Variants in CNDP1 observed in about 807,000 individuals in gnomAD.
The protein encoded by CNDP1 is beta-Ala-His dipeptidase.
CNDP1 carries 44 observed loss-of-function variants against 58.1 expected under a neutral mutation model. That is an observed-to-expected ratio of 0.76 (90% confidence interval 0.60 to 0.97). CNDP1 has a LOEUF of 0.97. Ranked by LOEUF, CNDP1 falls within the 50% of genes least tolerant of loss-of-function variation. The probability of loss-of-function intolerance (pLI) is 0.00; values close to 1 mark genes in which losing one functional copy is unlikely to be tolerated. For missense variants in CNDP1, 616 were observed against 655.1 expected (o/e 0.94, Z 0.65); for synonymous variants, 254 against 252.6 (o/e 1.01, Z -0.05).
rs1217019573 is a variant in CNDP1, at chr18:74,585,451, C to T, written c.*889C>T. 6.6e-6 allele frequency: 1 copy of T among 152,200 alleles called. No individual in the cohort carries two copies. Among genetic ancestry groups the T allele is most frequent in the Non-Finnish European group, 1.5e-5 (1 of 68,038 alleles). The allele number at this position is 152,200 out of a possible 1,614,324, so 9.4% of individuals were successfully genotyped here. On this transcript the variant is annotated 3_prime_UTR_variant, in exon 12 of 12. Coordinates refer to ENST00000358821, the MANE Select transcript of CNDP1 (RefSeq NM_032649.6). ...CAGTTTTAGATAGAGAACTAATCAACCCTGACATCAGTAACACACGCTAAA... is the reference window on the plus strand; with the variant it reads ...CAGTTTTAGATAGAGAACTAATCAATCCTGACATCAGTAACACACGCTAAA...
In CNDP1 at chr18:74,587,109, A is replaced by G. The variant is rs1173451651; in HGVS notation, c.*2547A>G. ...TATTGTGATAAGTTTAGGGGTTAGG[A>G]ATATCATTTGAGTTTGGTAGATGCT... On this transcript the variant is annotated 3_prime_UTR_variant, in exon 12 of 12. Coordinates refer to ENST00000358821, the MANE Select transcript of CNDP1 (RefSeq NM_032649.6). 1 of 152,310 alleles carries G rather than the reference A, an allele frequency of 6.6e-6. No homozygotes were observed. Among genetic ancestry groups the G allele is most frequent in the East Asian group, 1.9e-4 (1 of 5,186 alleles). The allele number at this position is 152,310 out of a possible 1,614,324, so 9.4% of individuals were successfully genotyped here. A position where few individuals can be genotyped will look rare whatever the true frequency, so the allele number is the denominator to read the frequency against.
intron 1 of CNDP1, among the ~76,000 whole-genome samples, chr18:74,549,628 G>T (rs1980849312): frequency 6.6e-6 from 1 of 152,142 alleles, no homozygotes; most frequent in South Asian, 2.1e-4. Context: ...AATTTGAACA[G>T]GTTGCAGAGC....
intron 7 of CNDP1, chr18:74,576,526 A>G (rs1169958557): frequency 4.9e-6 from 1 of 206,086 alleles, no homozygotes; most frequent in African/African-American, 2.3e-5. Context: ...AGACAAAACT[A>G]AAAAACCTTG....
At chr18:74,583,499 A>C in intron 10 of CNDP1, 62 bp from the exon 11 acceptor site, 4 of 1,415,810 alleles carry the variant, frequency 2.8e-6, no homozygotes, top group Non-Finnish European at 4.0e-6. Context: ...ACTGACCTTG[A>C]GGAGCTTCCT....
At chr18:74,561,141 G>T (rs1356202215) in intron 4 of CNDP1, 123 bp downstream of exon 4, 2 of 1,229,518 alleles carry the variant, frequency 1.6e-6, no homozygotes, top group Non-Finnish European at 2.2e-6. Flanking sequence ...TAGGCCGGGT[G>T]CGGTGGCTCA....
chr18:74,543,174 G>A (rs1048329748), intron 1 of CNDP1, among the ~76,000 whole-genome samples: 11 of 152,274 alleles, frequency 7.2e-5, no homozygotes, highest in South Asian at 2.1e-4. Context: ...AATACAAAAC[G>A]TAAGCAGGTA....
chr18:74,557,924 G>T (rs1345386488), intron 2 of CNDP1, among the ~76,000 whole-genome samples: 4 of 152,210 alleles, frequency 2.6e-5, no homozygotes, highest in African/African-American at 7.2e-5. Flanking sequence ...CCTGAGTGGG[G>T]TTTCCAGAAT....
At chr18:74,571,163 C>G in intron 6 of CNDP1, 23 bp from the exon 7 acceptor site, 1 of 1,530,564 alleles carries the variant, frequency 6.5e-7, no homozygotes, top group Non-Finnish European at 9.1e-7. Flanking sequence ...AAGTATATCT[C>G]TTACCTTTTA....
chr18:74,554,907 T>C (rs930011435), intron 1 of CNDP1, among the ~76,000 whole-genome samples: 2 of 152,152 alleles, frequency 1.3e-5, no homozygotes, highest in Non-Finnish European at 2.9e-5. Context: ...ACCAACTGCT[T>C]TTCAAACAGC....
intron 1 of CNDP1, among the ~76,000 whole-genome samples, chr18:74,537,744 A>T (rs1348244326): frequency 6.6e-6 from 1 of 152,164 alleles, no homozygotes; most frequent in East Asian, 1.9e-4. Context: ...ACTCCGGGCA[A>T]AGAGTGGTAC....
chr18:74,579,037 T>C (rs1343490714), intron 9 of CNDP1, among the ~76,000 whole-genome samples: 1 of 152,104 alleles, frequency 6.6e-6, no homozygotes, highest in Non-Finnish European at 1.5e-5. Context: ...TCCCCCTTTA[T>C]TGTCTTGTTA....
chr18:74,539,413 T>C lies in CNDP1; in HGVS notation c.24+4722T>C, dbSNP rs116237532. ...GGATGCAGGACTGCCAGGTGGGCTCTTTCCCAGCTCCCGGAGGCTTCCTCA... is the reference window on the plus strand; with the variant it reads ...GGATGCAGGACTGCCAGGTGGGCTCCTTCCCAGCTCCCGGAGGCTTCCTCA... On this transcript the variant is annotated intron_variant, in intron 1 of 11. Transcript: ENST00000358821. Among the ~76,000 whole-genome samples, 1,193 of 152,344 alleles carry C rather than the reference T, an allele frequency of 7.8e-3. 9 individuals are homozygous for C. The highest frequency in any genetic ancestry group is 0.028 in the African/African-American group (1,153 of 41,576).
intron 1 of CNDP1, among the ~76,000 whole-genome samples, chr18:74,550,108 T>G (rs1980863602): frequency 6.6e-6 from 1 of 152,176 alleles, no homozygotes; most frequent in African/African-American, 2.4e-5. Flanking sequence ...AGTCCCCACA[T>G]AGGGTCCCCA....
chr18:74,584,202 C>T, intron 11 of CNDP1: 1 of 417,680 alleles, frequency 2.4e-6, no homozygotes, highest in Non-Finnish European at 4.4e-6. Flanking sequence ...GCATCCCAGA[C>T]TACTGAGAAA....
rs1338734281 is a variant in CNDP1, at chr18:74,584,793, T to C, written c.*231T>C. On this transcript the variant is annotated 3_prime_UTR_variant, in exon 12 of 12. Coordinates refer to ENST00000358821, the MANE Select transcript of CNDP1 (RefSeq NM_032649.6). Reference sequence around the variant, plus strand: ...CACACCTTCCTCAAGTCATAGCTGCTTGCAGCAACTTGATTTCCCCAAGTC... The same window carrying C: ...CACACCTTCCTCAAGTCATAGCTGCCTGCAGCAACTTGATTTCCCCAAGTC... The C allele has an allele frequency of 4.2e-6, 2 of 479,356 alleles. No individual in the cohort carries two copies. The highest frequency in any genetic ancestry group is 7.5e-6 in the Non-Finnish European group (2 of 266,816). 29.7% of individuals were successfully genotyped at this position (479,356 alleles called of 1,614,324 possible). A position where few individuals can be genotyped will look rare whatever the true frequency, so the allele number is the denominator to read the frequency against.
chr18:74,551,903 G>A (rs55813520), intron 1 of CNDP1, among the ~76,000 whole-genome samples: 24,866 of 148,042 alleles, frequency 0.17, 2,285 homozygotes, highest in Middle Eastern at 0.26. Context: ...CAATTGGATC[G>A]ATTGCGAAAA....
chr18:74,572,434 G>A (rs1981502202), intron 7 of CNDP1, among the ~76,000 whole-genome samples: 1 of 152,096 alleles, frequency 6.6e-6, no homozygotes, highest in Non-Finnish European at 1.5e-5. Context: ...CATTACCTAT[G>A]CTTTAGACCC....
At chr18:74,541,839 G>A (rs1164091029) in intron 1 of CNDP1, among the ~76,000 whole-genome samples, 2 of 152,182 alleles carry the variant, frequency 1.3e-5, no homozygotes, top group Non-Finnish European at 2.9e-5. Flanking sequence ...ACTGTGGTTG[G>A]GACAAAGGTA....
intron 7 of CNDP1, 29 bp downstream of exon 7, chr18:74,571,299 A>G: frequency 4.8e-6 from 7 of 1,457,122 alleles, no homozygotes; most frequent in Non-Finnish European, 6.7e-6. Flanking sequence ...TCACTTTTTA[A>G]GCATCAGGGA....
Sources: gnomAD v4.1 joint callset for allele counts (sites outside exome capture counted in the v4.1 genomes callset) on GRCh38, gnomAD v4.1.1 for gene constraint, MANE v1.5 for transcripts, NCBI Gene and HGNC (gene_info 2026-07-23, HGNC 2026-07-21) for gene names.